The following UGT1A8 variants were observed in gnomAD, a reference collection of about 807,000 sequenced individuals.
UGT1A8 encodes UDP-glucuronosyltransferase 1A8.
A neutral mutation model predicts 45.3 loss-of-function variants in UGT1A8; 39 were observed. That is an observed-to-expected ratio of 0.86 (90% confidence interval 0.67 to 1.12). UGT1A8 has a LOEUF of 1.12. UGT1A8 is among the 50% of genes most tolerant of loss of function. The pLI, the probability that UGT1A8 is intolerant of heterozygous loss-of-function variation, is 0.00. For missense variants in UGT1A8, 719 were observed against 664.9 expected, an observed-to-expected ratio of 1.08 and a Z score of -0.90; for synonymous variants, 275 against 249.2, an observed-to-expected ratio of 1.10 and a Z score of -0.97.
chr2:233,737,919 T>C (rs1472023706), intron 1 of UGT1A8, among the ~76,000 whole-genome samples: 1 of 152,102 alleles, frequency 6.6e-6, no homozygotes, highest in African/African-American at 2.4e-5. Flanking sequence ...CAGGCTAGTG[T>C]ATTTAGTAGT....
At chr2:233,718,768 T>C in intron 1 of UGT1A8, 2 of 1,612,770 alleles carry the variant, frequency 1.2e-6, no homozygotes, top group Non-Finnish European at 1.7e-6. Flanking sequence ...AGGAAACAAA[T>C]GTAGCAGGCA....
chr2:233,656,739 G>A (rs1205030552), intron 1 of UGT1A8, among the ~76,000 whole-genome samples: 1 of 152,114 alleles, frequency 6.6e-6, no homozygotes, highest in Non-Finnish European at 1.5e-5. Context: ...GTCCCGTCGT[G>A]GCTGTGACTC....
At chr2:233,640,010 C>T (rs1455953725) in intron 1 of UGT1A8, among the ~76,000 whole-genome samples, 1 of 152,176 alleles carries the variant, frequency 6.6e-6, no homozygotes, top group African/African-American at 2.4e-5. Context: ...TTCATCTATA[C>T]CATCCATGGT....
chr2:233,730,056 T>A, intron 1 of UGT1A8: 2 of 1,611,732 alleles, frequency 1.2e-6, no homozygotes, highest in Non-Finnish European at 8.5e-7. Context: ...AAAAATGTAT[T>A]TATTTAAAAT....
intron 1 of UGT1A8, chr2:233,649,151 A>C (rs1487240209): frequency 1.8e-6 from 1 of 565,984 alleles, no homozygotes; most frequent in Non-Finnish European, 2.6e-6. Flanking sequence ...TGTGTAAAAA[A>C]TTATTTTGTG....
chr2:233,724,266 G>A (rs1189985435), intron 1 of UGT1A8, among the ~76,000 whole-genome samples: 3 of 135,606 alleles, frequency 2.2e-5, no homozygotes, highest in Non-Finnish European at 4.8e-5. Flanking sequence ...CTCCCGGACG[G>A]GGCGGCTGGC....
intron 1 of UGT1A8, chr2:233,637,286 C>A: frequency 1.2e-6 from 2 of 1,613,944 alleles, no homozygotes; most frequent in Non-Finnish European, 8.5e-7. Context: ...TTGTTGCGAA[C>A]GGACTTTGTT....
intron 1 of UGT1A8, among the ~76,000 whole-genome samples, chr2:233,694,810 G>A (rs147477123): frequency 5.3e-5 from 8 of 152,290 alleles, no homozygotes; most frequent in Admixed American, 1.3e-4. Flanking sequence ...CAGGGATTCT[G>A]GGGCATGAAA....
At chr2:233,735,509 C>T (rs185084136) in intron 1 of UGT1A8, among the ~76,000 whole-genome samples, 17 of 152,270 alleles carry the variant, frequency 1.1e-4, no homozygotes, top group Middle Eastern at 3.4e-3. Flanking sequence ...AGCCCATTTA[C>T]ATTTAAGGTA....
intron 1 of UGT1A8, among the ~76,000 whole-genome samples, chr2:233,706,711 A>C (rs2075920644): frequency 6.6e-6 from 1 of 152,150 alleles, no homozygotes; most frequent in Admixed American, 6.5e-5. Context: ...AAGTCATGGA[A>C]TTCTGGAATC....
chr2:233,730,094 A>T, intron 1 of UGT1A8: 1 of 1,593,062 alleles, frequency 6.3e-7, no homozygotes, highest in Non-Finnish European at 8.5e-7. Context: ...ATCTTTCCAA[A>T]TATTTCATTT....
At chr2:233,660,437 A>G (rs2073940312) in intron 1 of UGT1A8, among the ~76,000 whole-genome samples, 1 of 152,180 alleles carries the variant, frequency 6.6e-6, no homozygotes, top group Non-Finnish European at 1.5e-5. Context: ...TATCAAAAGT[A>G]ATTTAAAAGA....
chr2:233,710,145 T>C (rs1309265551), intron 1 of UGT1A8, among the ~76,000 whole-genome samples: 3 of 152,254 alleles, frequency 2.0e-5, no homozygotes, highest in Non-Finnish European at 4.4e-5. Context: ...TGTATAGATA[T>C]ATCATCATTT....
At chr2:233,724,287 G>A (rs1285366990) in intron 1 of UGT1A8, among the ~76,000 whole-genome samples, 2 of 143,496 alleles carry the variant, frequency 1.4e-5, no homozygotes, top group Admixed American at 1.4e-4. Flanking sequence ...CGGGCGGGGG[G>A]CTGACCCCCC....
At chr2:233,676,944 A>G (rs577325095) in intron 1 of UGT1A8, among the ~76,000 whole-genome samples, 1 of 152,194 alleles carries the variant, frequency 6.6e-6, no homozygotes, top group East Asian at 1.9e-4. Flanking sequence ...TTTGTGAAAT[A>G]TTTGATTACT....
chr2:233,721,860 C>T (rs2076977030), intron 1 of UGT1A8: 1 of 507,874 alleles, frequency 2.0e-6, no homozygotes, highest in Non-Finnish European at 3.9e-6. Flanking sequence ...ACTGCTCGGC[C>T]CTGGGCACAC....
In UGT1A8 at chr2:233,725,076, A is replaced by C. The variant is rs376662690; in HGVS notation, c.856-41958A>C. ...GCGGCGCGCGCCTGCAATCGCAGGC[A>C]CTCGGCAGGCTGAGGCAGGAGAATC... On this transcript the variant is annotated intron_variant, in intron 1 of 4. Transcript: ENST00000373450. 3.9e-4 allele frequency among the ~76,000 whole-genome samples: 56 copies of C among 144,798 alleles called. 8 individuals are homozygous for C. In the East Asian group the frequency reaches 0.012, roughly 30 times the overall value. 95.0% of individuals were successfully genotyped at this position (144,798 alleles called of 152,430 possible).
At chr2:233,637,587 A>G (rs1362792133) in intron 1 of UGT1A8, among the ~76,000 whole-genome samples, 2 of 152,248 alleles carry the variant, frequency 1.3e-5, no homozygotes, top group African/African-American at 2.4e-5. Context: ...TAATTTAAAA[A>G]TTATAGATCA....
At chr2:233,645,419 T>C (rs1450668791) in intron 1 of UGT1A8, among the ~76,000 whole-genome samples, 1 of 152,160 alleles carries the variant, frequency 6.6e-6, no homozygotes, top group Non-Finnish European at 1.5e-5. Context: ...CCGCAAAGTC[T>C]CAGCATTAAC....
Sources: allele counts gnomAD v4.1 joint callset (sites outside exome capture counted in the v4.1 genomes callset), GRCh38; gene constraint gnomAD v4.1.1; transcripts MANE v1.5; gene names NCBI Gene and HGNC (gene_info 2026-07-23, HGNC 2026-07-21).